Variants in NEK1 observed in about 807,000 individuals in gnomAD.
NEK1 encodes NIMA related kinase 1, also known as serine/threonine-protein kinase Nek1.
Under a neutral mutation model 182.1 loss-of-function variants are expected in NEK1, and 137 were observed. That is an observed-to-expected ratio of 0.75 (90% CI 0.65 to 0.87). NEK1 has a LOEUF of 0.87. Among genes scored for constraint, NEK1 ranks in the 40% least tolerant of loss-of-function variants. The pLI is 0.00. For missense variants in NEK1, 1,391 were observed against 1,494.4 expected (o/e 0.93, Z 1.14); for synonymous variants, 513 against 492.2 (o/e 1.04, Z -0.56).
At chr4:169,434,295 C>T (rs1237507153) in intron 28 of NEK1, among the ~76,000 whole-genome samples, 1 of 149,112 alleles carries the variant, frequency 6.7e-6, no homozygotes, top group African/African-American at 2.5e-5. Context: ...TCACTACAAC[C>T]TACACCTCCC....
intron 16 of NEK1, among the ~76,000 whole-genome samples, chr4:169,560,952 G>A (rs1394608916): frequency 6.6e-6 from 1 of 152,070 alleles, no homozygotes; most frequent in African/African-American, 2.4e-5. Flanking sequence ...AGGAGGGATG[G>A]AGAGTGCTAT....
intron 19 of NEK1, among the ~76,000 whole-genome samples, chr4:169,511,066 A>G (rs1038834018): frequency 2.0e-5 from 3 of 152,174 alleles, no homozygotes; most frequent in Non-Finnish European, 2.9e-5. Flanking sequence ...TCAACATCAC[A>G]TAAGCACTGT....
intron 8 of NEK1, 146 bp from the exon 9 acceptor site, chr4:169,587,759 A>C: frequency 4.3e-6 from 2 of 460,760 alleles, no homozygotes; most frequent in Non-Finnish European, 7.9e-6. Flanking sequence ...CCATAATCAA[A>C]TGACAAAAGT....
intron 16 of NEK1, 85 bp from the exon 17 acceptor site, chr4:169,556,180 C>G (rs1321801749): frequency 8.2e-7 from 1 of 1,213,938 alleles, no homozygotes; most frequent in Non-Finnish European, 1.1e-6. Flanking sequence ...AAGTAAATTT[C>G]AATGCTTCAC....
intron 12 of NEK1, among the ~76,000 whole-genome samples, chr4:169,574,685 T>C (rs1186125541): frequency 6.6e-6 from 1 of 150,934 alleles, no homozygotes; most frequent in Non-Finnish European, 1.5e-5. Flanking sequence ...TACAGTCTGG[T>C]AGCAAAAGCA....
intron 26 of NEK1, among the ~76,000 whole-genome samples, chr4:169,467,494 T>TA (rs1464495625): frequency 6.6e-6 from 1 of 151,724 alleles, no homozygotes; most frequent in Non-Finnish European, 1.5e-5. Flanking sequence ...ACAACAGAGG[T>TA]AAAATGGAAT....
At chr4:169,403,287 GC>G (rs776902145) in intron 32 of NEK1, among the ~76,000 whole-genome samples, 1 of 151,762 alleles carries the variant, frequency 6.6e-6, no homozygotes, top group African/African-American at 2.4e-5. Context: ...ACTAATTTAG[GC>G]TGGGTACAGT....
At chr4:169,409,205 C>T (rs1260156490) in intron 31 of NEK1, among the ~76,000 whole-genome samples, 3 of 152,018 alleles carry the variant, frequency 2.0e-5, no homozygotes, top group African/African-American at 4.8e-5. Context: ...AGTGCAGTGG[C>T]GCGATCTCGG....
At position 169,508,312 on chromosome 4, in the gene NEK1, C is replaced by T; in HGVS notation, c.1769G>A (p.Arg590Lys). The T allele has an allele frequency of 6.3e-7, 1 of 1,580,610 alleles. No individual in the cohort carries two copies. Among genetic ancestry groups the T allele is most frequent in the Non-Finnish European group, 8.6e-7 (1 of 1,163,432 alleles). The change falls in exon 21 of 36, where the codon AGG becomes AAG. Residue 590 changes from arginine (R) to lysine (K), a missense_variant. By Grantham distance (26) the Arg-to-Lys change is conservative. This residue lies in a region of NEK1 where 1,216 missense variants were observed against 1,277.6 expected (regional missense o/e 0.95). Transcript: ENST00000507142. ...ATTGAAATTCTGTAGTCTTATTTGC[C>T]TCAGTCTTGCCAGATAAACCTACAA... is the stretch of plus-strand genomic sequence containing the variant. ...KEEEVYLARL[R>K]QIRLQNFNER...
intron 5 of NEK1, among the ~76,000 whole-genome samples, chr4:169,597,410 T>C (rs1210261053): frequency 4.6e-5 from 7 of 151,892 alleles, no homozygotes; most frequent in Non-Finnish European, 8.8e-5. Context: ...AGCCAGGAGT[T>C]TGAGAACAGC....
At chr4:169,542,747 G>A (rs1340291620) in intron 18 of NEK1, among the ~76,000 whole-genome samples, 2 of 150,694 alleles carry the variant, frequency 1.3e-5, no homozygotes, top group Non-Finnish European at 3.0e-5. Flanking sequence ...TTAGTGACCA[G>A]TGATGAAGAG....
intron 32 of NEK1, among the ~76,000 whole-genome samples, chr4:169,404,792 T>TA (rs398108302): frequency 2.0e-4 from 31 of 151,870 alleles, no homozygotes; most frequent in East Asian, 3.9e-4. Flanking sequence ...ATTTTTTTTT[T>TA]AATTTTACTT....
At chr4:169,545,207 C>T (rs1172111999) in intron 18 of NEK1, among the ~76,000 whole-genome samples, 3 of 123,002 alleles carry the variant, frequency 2.4e-5, no homozygotes, top group African/African-American at 9.1e-5. Flanking sequence ...TCCCCCCTCC[C>T]CCCACCCCAC....
chr4:169,523,826 T>A (rs575788424), intron 19 of NEK1, among the ~76,000 whole-genome samples: 23 of 152,226 alleles, frequency 1.5e-4, no homozygotes, highest in Non-Finnish European at 3.1e-4. Context: ...ACCTAACATA[T>A]TACAGTCATT....
chr4:169,429,558 C>T (rs1441188300), intron 29 of NEK1, among the ~76,000 whole-genome samples: 4 of 151,606 alleles, frequency 2.6e-5, no homozygotes, highest in African/African-American at 7.3e-5. Context: ...TATGGAAAAA[C>T]AATCAGTGGA....
Position 169,590,812 on chromosome 4 carries a change from AG to A in NEK1, c.313-4del, listed in dbSNP as rs892893512. On this transcript the variant is annotated splice_region_variant and splice_polypyrimidine_tract_variant and intron_variant, in intron 5 of 35. Transcript: ENST00000507142. ...ATCTGTACAAACCAGTCCAAAATCT[AG>A]GAAGAAAAATCAGATCTGTCAAGCC... 1.9e-6 allele frequency: 3 copies of A among 1,581,036 alleles called. No individual in the cohort carries two copies. The African/African-American group carries it at 4.0e-5, about 21-fold the overall frequency.
chr4:169,476,778 T>C (rs1747027554), intron 26 of NEK1, among the ~76,000 whole-genome samples: 1 of 152,148 alleles, frequency 6.6e-6, no homozygotes, highest in South Asian at 2.1e-4. Flanking sequence ...TCTGAGACAC[T>C]ACCCTGGTTC....
chr4:169,573,816 G>T (rs1050812102), intron 12 of NEK1, among the ~76,000 whole-genome samples: 3 of 152,298 alleles, frequency 2.0e-5, no homozygotes, highest in South Asian at 4.1e-4. Flanking sequence ...CATGGCCATA[G>T]GTGAGAGTTT....
chr4:169,443,740 T>C (rs1739979752), intron 27 of NEK1, among the ~76,000 whole-genome samples: 1 of 151,754 alleles, frequency 6.6e-6, no homozygotes. Context: ...AATCAGACAG[T>C]TAAAAGTCAA....
Sources: allele counts gnomAD v4.1 joint callset (sites outside exome capture counted in the v4.1 genomes callset), GRCh38; gene constraint gnomAD v4.1.1; regional missense constraint gnomAD v4.1.1; transcripts MANE v1.5; gene names NCBI Gene and HGNC (gene_info 2026-07-23, HGNC 2026-07-21).